The following ANKMY1 variants were observed in gnomAD, a reference collection of about 807,000 sequenced individuals.
ANKMY1 encodes ankyrin repeat and MYND domain-containing protein 1.
ANKMY1 carries 98 observed loss-of-function variants against 102.0 expected under a neutral mutation model. The ratio of observed to expected loss-of-function variants is 0.96; its 90% CI spans 0.82 to 1.14. The LOEUF (loss-of-function observed/expected upper bound fraction) is 1.14. Among genes scored for constraint, ANKMY1 ranks in the 50% most tolerant of loss-of-function variants. The pLI is 0.00. For synonymous variants in ANKMY1, 582 were observed against 559.9 expected, an observed-to-expected ratio of 1.04 and a Z score of -0.56; for missense variants, 1,330 against 1,347.6, an observed-to-expected ratio of 0.99 and a Z score of 0.20.
At chr2:240,542,487 G>A (rs1235821070) in intron 4 of ANKMY1, among the ~76,000 whole-genome samples, 1 of 150,266 alleles carries the variant, frequency 6.7e-6, no homozygotes, top group African/African-American at 2.5e-5. Flanking sequence ...CTGGGCAACA[G>A]ACCGAGACTC....
Position 240,525,769 on chromosome 2 carries a change from C to T in ANKMY1, c.1251G>A (p.Thr417=), listed in dbSNP as rs766123070. The change falls in exon 7 of 18, where the codon ACG becomes ACA. Residue 417 remains threonine, a synonymous_variant. Transcript: ENST00000401804. ...GGAGGAGGAAACACATGCTGAGTGC[C>T]GTGAGACCCTCATCTGAGCACTTGT... is the stretch of plus-strand genomic sequence containing the variant. ...DVNKCSDEGL[T]ALSMCFLLHY... The T allele has an allele frequency of 3.8e-5, 61 of 1,614,104 alleles. No homozygotes were observed. The highest frequency in any genetic ancestry group is 8.0e-5 in the African/African-American group (6 of 75,012).
At chr2:240,531,500 A>G (rs1479062109) in intron 4 of ANKMY1, among the ~76,000 whole-genome samples, 1 of 152,246 alleles carries the variant, frequency 6.6e-6, no homozygotes, top group Non-Finnish European at 1.5e-5. Context: ...TTTATTGGTG[A>G]ACCAATAAAA....
At chr2:240,511,085 G>A (rs1196343622) in intron 11 of ANKMY1, among the ~76,000 whole-genome samples, 1 of 151,982 alleles carries the variant, frequency 6.6e-6, no homozygotes, top group Non-Finnish European at 1.5e-5. Context: ...ACCAGACAGG[G>A]ATGTTCTGAA....
At chr2:240,515,728 T>A (rs1379372429) in intron 9 of ANKMY1, among the ~76,000 whole-genome samples, 1 of 151,780 alleles carries the variant, frequency 6.6e-6, no homozygotes, top group Non-Finnish European at 1.5e-5. Flanking sequence ...AAAAGATAAT[T>A]TTTTTTTGAG....
the ANKMY1 span, among the ~76,000 whole-genome samples, chr2:240,474,088 A>G: frequency 8.0e-6 from 1 of 124,610 alleles, no homozygotes. Flanking sequence ...CTGTTTGCCA[A>G]TAACATGATC....
intron 13 of ANKMY1, among the ~76,000 whole-genome samples, chr2:240,505,537 A>G (rs927082983): frequency 1.3e-5 from 2 of 152,100 alleles, no homozygotes; most frequent in African/African-American, 2.4e-5. Flanking sequence ...AGTTCCCAGA[A>G]GAACTGAAAG....
chr2:240,520,557 G>C lies in ANKMY1; in HGVS notation c.1833-24C>G, dbSNP rs201759543. The C allele has an allele frequency of 2.5e-6, 4 of 1,598,360 alleles. No homozygotes were observed. In the East Asian group the frequency reaches 6.7e-5, roughly 27 times the overall value. On this transcript the variant is annotated intron_variant, in intron 8 of 17. Transcript: ENST00000401804. The surrounding 1 kb of genome is among the most constrained non-coding windows in gnomAD (Gnocchi z 4.8). ...GCCTGAAAAAGACGGTGCGCCCGTG[G>C]GCCCCTGGAGGGCAGGCACCTGCAC...
At chr2:240,537,783 A>C (rs1463637512) in intron 4 of ANKMY1, among the ~76,000 whole-genome samples, 1 of 152,242 alleles carries the variant, frequency 6.6e-6, no homozygotes, top group Non-Finnish European at 1.5e-5. Flanking sequence ...GCTGTAAACC[A>C]CAACAAGTGG....
rs1282235368 is a variant in ANKMY1, at chr2:240,520,249, C to G, written c.2004+113G>C. ...CGTCATCACTCACAGCCCAGGTGGT[C>G]GCCTGCAAGAGCCCACCCCTCTCTT... On this transcript the variant is annotated intron_variant, in intron 9 of 17. Transcript: ENST00000401804. The surrounding 1 kb of genome is among the most constrained non-coding windows in gnomAD (Gnocchi z 4.8). 4.1e-6 allele frequency: 6 copies of G among 1,453,014 alleles called. No individual in the cohort carries two copies. Among genetic ancestry groups the G allele is most frequent in the East Asian group, 5.0e-5 (2 of 39,910 alleles). 90.0% of individuals were successfully genotyped at this position (1,453,014 alleles called of 1,614,324 possible). A position where few individuals can be genotyped will look rare whatever the true frequency, so the allele number is the denominator to read the frequency against.
At chr2:240,544,787 T>C (rs1232100127) in intron 4 of ANKMY1, among the ~76,000 whole-genome samples, 1 of 152,236 alleles carries the variant, frequency 6.6e-6, no homozygotes, top group Non-Finnish European at 1.5e-5. Context: ...ACCCGAATAC[T>C]GCGCTTTTCT....
upstream of ANKMY1, chr2:240,560,429 C>T: frequency 2.5e-6 from 1 of 394,542 alleles, no homozygotes; most frequent in Non-Finnish European, 4.3e-6. Flanking sequence ...ACATGGGACG[C>T]AGAGCGGTCC....
In ANKMY1 at chr2:240,520,608, C is replaced by A. The variant is rs533097435; in HGVS notation, c.1833-75G>T. 7.3e-6 allele frequency: 11 copies of A among 1,509,212 alleles called. No homozygotes were observed. The highest frequency in any genetic ancestry group is 4.5e-5 in the Admixed American group (2 of 44,734). 93.5% of individuals were successfully genotyped at this position (1,509,212 alleles called of 1,614,324 possible). A position where few individuals can be genotyped will look rare whatever the true frequency, so the allele number is the denominator to read the frequency against. ...TGCGCCCAGAACGGGGCCATGCCAG[C>A]GAGGAGGCTGGGGAGGGGCGCGTAG... On this transcript the variant is annotated intron_variant, in intron 8 of 17. Coordinates refer to ENST00000401804, the MANE Select transcript of ANKMY1 (RefSeq NM_001282771.3). This position sits in a 1 kb window ranked among gnomAD's most constrained non-coding sequence, Gnocchi z 4.8.
chr2:240,503,594 C>T (rs1445471852), intron 13 of ANKMY1, among the ~76,000 whole-genome samples: 1 of 152,174 alleles, frequency 6.6e-6, no homozygotes, highest in Non-Finnish European at 1.5e-5. Context: ...ATTCAGGAGG[C>T]CTGGTGACCC....
the ANKMY1 span, among the ~76,000 whole-genome samples, chr2:240,472,303 A>ACGCGGGGAGG: frequency 4.0e-5 from 6 of 151,732 alleles, no homozygotes; most frequent in Middle Eastern, 3.4e-3. Flanking sequence ...CTACAACTGC[A>ACGCGGGGAGG]CAGGCTGAAG....
At chr2:240,545,045 C>T (rs2090020279) in intron 4 of ANKMY1, among the ~76,000 whole-genome samples, 1 of 152,244 alleles carries the variant, frequency 6.6e-6, no homozygotes, top group South Asian at 2.1e-4. Flanking sequence ...TAGGCTCCAC[C>T]TCTGGGGGCA....
intron 4 of ANKMY1, among the ~76,000 whole-genome samples, chr2:240,546,124 C>T (rs888605319): frequency 6.6e-6 from 1 of 152,146 alleles, no homozygotes; most frequent in African/African-American, 2.4e-5. Flanking sequence ...GGTCGGGTTA[C>T]CCTCAAAGGG....
At chr2:240,470,824 C>T in the ANKMY1 span, among the ~76,000 whole-genome samples, 1 of 152,160 alleles carries the variant, frequency 6.6e-6, no homozygotes, top group Non-Finnish European at 1.5e-5. Flanking sequence ...AAGTCAGTTT[C>T]GCAAAGTTAA....
At chr2:240,525,965 G>T in intron 6 of ANKMY1, 116 bp from the exon 7 acceptor site, 1 of 1,314,376 alleles carries the variant, frequency 7.6e-7, no homozygotes, top group Non-Finnish European at 1.1e-6. Flanking sequence ...AGGAACCAGT[G>T]CTCATTCGGG....
In ANKMY1 at chr2:240,553,066, T is replaced by C; in HGVS notation, c.337-9A>G. On this transcript the variant is annotated splice_polypyrimidine_tract_variant and intron_variant, in intron 3 of 17. Transcript: ENST00000401804. ...AACTGCCCATGGTATGACTGTGAGATGGAGAAGTTGGTGAGAAATTGCTGC... is the reference window on the plus strand; with the variant it reads ...AACTGCCCATGGTATGACTGTGAGACGGAGAAGTTGGTGAGAAATTGCTGC... 1 of 1,610,684 alleles carries C rather than the reference T, an allele frequency of 6.2e-7. No homozygotes were observed. Among genetic ancestry groups the C allele is most frequent in the Non-Finnish European group, 8.5e-7 (1 of 1,177,496 alleles).
Sources: gnomAD v4.1 joint callset for allele counts (sites outside exome capture counted in the v4.1 genomes callset) on GRCh38, gnomAD v4.1.1 for gene constraint, Gnocchi (gnomAD v3.1) non-coding constraint, MANE v1.5 for transcripts, NCBI Gene and HGNC (gene_info 2026-07-23, HGNC 2026-07-21) for gene names.